Variants in PRKRIP1 observed in about 807,000 individuals in gnomAD.
PRKRIP1 encodes PRKR interacting protein 1.
A neutral mutation model predicts 29.3 loss-of-function variants in PRKRIP1; 29 were observed. The ratio of observed to expected loss-of-function variants is 0.99; its 90% confidence interval spans 0.74 to 1.35. The LOEUF is 1.35. PRKRIP1 is among the 40% of genes most tolerant of loss of function. The pLI is 0.00. For missense variants in PRKRIP1, 247 were observed against 236.8 expected (o/e 1.04, Z -0.28); for synonymous variants, 90 against 85.1 (o/e 1.06, Z -0.32).
chr7:102,407,196 CAG>C (rs1796252891), intron 4 of PRKRIP1, among the ~76,000 whole-genome samples: 1 of 147,890 alleles, frequency 6.8e-6, no homozygotes, highest in Non-Finnish European at 1.5e-5. Context: ...GCCTGGGTGA[CAG>C]AGTGAGAGAA....
At position 102,407,412 on chromosome 7, in the gene PRKRIP1, G is replaced by A. The variant is rs782739866; in HGVS notation, c.393-22G>A. Reference sequence around the variant, plus strand: ...ACCATAATGTAGTTAAGGAATCAATGTATATGGTTTTACATTTTTAGCCAG... The same window carrying A: ...ACCATAATGTAGTTAAGGAATCAATATATATGGTTTTACATTTTTAGCCAG... On this transcript the variant is annotated intron_variant, in intron 4 of 5. Transcript: ENST00000397912. 3.4e-6 allele frequency: 5 copies of A among 1,490,090 alleles called. No homozygotes were observed. In the South Asian group the frequency reaches 3.4e-5, roughly 10 times the overall value. 92.3% of individuals were successfully genotyped at this position (1,490,090 alleles called of 1,614,324 possible).
intron 4 of PRKRIP1, among the ~76,000 whole-genome samples, chr7:102,407,218 A>G (rs1296576049): frequency 6.7e-6 from 1 of 148,652 alleles, no homozygotes; most frequent in Non-Finnish European, 1.5e-5. Context: ...ATCCGTCTCA[A>G]AAAAAAAAAA....
chr7:102,396,384 C>A lies in PRKRIP1; in HGVS notation c.-28C>A. ...CGTCATACTTGCGCGCCGACGCCGC[C>A]GCTCGCTTGTGAAACTGGAAGGCTG... On this transcript the variant is annotated 5_prime_UTR_variant, in exon 1 of 6. Coordinates refer to ENST00000397912, the MANE Select transcript of PRKRIP1 (RefSeq NM_024653.4). 6.6e-7 allele frequency: 1 copy of A among 1,510,278 alleles called. No homozygotes were observed. The highest frequency in any genetic ancestry group is 8.8e-7 in the Non-Finnish European group (1 of 1,135,204). 93.6% of individuals were successfully genotyped at this position (1,510,278 alleles called of 1,614,324 possible). A position where few individuals can be genotyped will look rare whatever the true frequency, so the allele number is the denominator to read the frequency against.
chr7:102,417,945 A>G (rs1050266634), intron 5 of PRKRIP1, among the ~76,000 whole-genome samples: 7 of 151,344 alleles, frequency 4.6e-5, no homozygotes, highest in Non-Finnish European at 1.0e-4. Context: ...GTACTATAGG[A>G]TATTCCAGAC....
intron 5 of PRKRIP1, among the ~76,000 whole-genome samples, chr7:102,415,555 T>C (rs76067653): frequency 0.012 from 1,788 of 152,322 alleles, 46 homozygotes; most frequent in African/African-American, 0.042. Flanking sequence ...TTTTATAAAA[T>C]GTACATTGGA....
At chr7:102,405,152 C>T (rs782646891) in intron 4 of PRKRIP1, among the ~76,000 whole-genome samples, 2 of 152,148 alleles carry the variant, frequency 1.3e-5, no homozygotes, top group Non-Finnish European at 2.9e-5. Flanking sequence ...GTCTTGAACT[C>T]CTCACCTCAG....
intron 5 of PRKRIP1, among the ~76,000 whole-genome samples, chr7:102,419,709 C>G (rs1215343725): frequency 6.6e-6 from 1 of 152,170 alleles, no homozygotes; most frequent in East Asian, 1.9e-4. Flanking sequence ...ATGCCCCATT[C>G]CTTTTGCCAA....
chr7:102,424,877 G>A (rs891077986), intron 5 of PRKRIP1, 137 bp from the exon 6 acceptor site: 9 of 810,102 alleles, frequency 1.1e-5, no homozygotes, highest in Middle Eastern at 3.5e-4. Flanking sequence ...ACTGGTGGAC[G>A]TGAGGCATGA....
intron 2 of PRKRIP1, 74 bp from the exon 3 acceptor site, chr7:102,399,474 A>T: frequency 8.4e-7 from 1 of 1,195,396 alleles, no homozygotes; most frequent in South Asian, 1.2e-5. Flanking sequence ...TTGTTTCTTT[A>T]GTCACCCTCG....
chr7:102,407,830 GC>G (rs1204819428), intron 5 of PRKRIP1, among the ~76,000 whole-genome samples: 2 of 152,166 alleles, frequency 1.3e-5, no homozygotes, highest in Non-Finnish European at 2.9e-5. Flanking sequence ...GTTTTGAGGT[GC>G]CTGCAGCAGC....
rs144611349 is a variant in PRKRIP1, at chr7:102,413,294, A to G, written c.457+5796A>G. On this transcript the variant is annotated intron_variant, in intron 5 of 5. Transcript: ENST00000397912. ...GAGAGCTCCTGATCTAGGGGCAGGT[A>G]TCCAGTGTCCAGAAGGCACTCAGCA... 3.3e-3 allele frequency among the ~76,000 whole-genome samples: 510 copies of G among 152,340 alleles called. 2 individuals carry two copies. Among genetic ancestry groups the G allele is most frequent in the African/African-American group, 0.011 (473 of 41,566 alleles).
intron 5 of PRKRIP1, among the ~76,000 whole-genome samples, chr7:102,418,081 CT>C (rs1796602272): frequency 7.1e-6 from 1 of 141,630 alleles, no homozygotes; most frequent in South Asian, 2.2e-4. Context: ...GAGTTTCACT[CT>C]TTGTTTGCCC....
rs139908003 is a variant in PRKRIP1 at position 102,418,022 on chromosome 7, TTTC to T, written c.458-6965_458-6963del. On this transcript the variant is annotated intron_variant, in intron 5 of 5. Transcript: ENST00000397912. ...TTGTCCAAGAAGTCCTGGCTGCTGC[TTTC>T]TTCTTCTTCTTCTTCTTCTTCTTCT... Among the ~76,000 whole-genome samples the T allele has an allele frequency of 1.1e-3, 149 of 141,192 alleles. 2 individuals are homozygous for T. The East Asian group carries it at 0.019, about 18-fold the overall frequency. 92.6% of individuals were successfully genotyped at this position (141,192 alleles called of 152,430 possible).
intron 5 of PRKRIP1, among the ~76,000 whole-genome samples, chr7:102,411,593 C>T (rs1224155467): frequency 6.6e-6 from 1 of 151,912 alleles, no homozygotes; most frequent in Non-Finnish European, 1.5e-5. Flanking sequence ...CTATATTGGC[C>T]AGGTTGATCT....
At chr7:102,404,781 G>C in intron 4 of PRKRIP1, 98 bp downstream of exon 4, 5 of 836,150 alleles carry the variant, frequency 6.0e-6, no homozygotes, top group Non-Finnish European at 7.8e-6. Context: ...TGCATGACCT[G>C]TAGGGGTCAT....
At chr7:102,404,334 C>T (rs1173263751) in intron 3 of PRKRIP1, 4 of 350,862 alleles carry the variant, frequency 1.1e-5, no homozygotes, top group Admixed American at 8.1e-5. Context: ...TGCACTCCCT[C>T]CTGTATTGTC....
intron 3 of PRKRIP1, 164 bp from the exon 4 acceptor site, chr7:102,404,434 C>T (rs984581756): frequency 6.2e-6 from 4 of 648,870 alleles, no homozygotes; most frequent in Admixed American, 5.0e-5. Context: ...ACCTGCCCTG[C>T]CTCTGGGACA....
intron 5 of PRKRIP1, among the ~76,000 whole-genome samples, chr7:102,420,263 T>C (rs948632544): frequency 1.3e-5 from 2 of 152,192 alleles, no homozygotes; most frequent in Non-Finnish European, 2.9e-5. Context: ...CTGGGTTGTA[T>C]GATAGGATTA....
rs367710847 is a variant in PRKRIP1 at position 102,396,471 on chromosome 7, G to T, written c.60G>T (p.Thr20=). The change falls in exon 1 of 6, where the codon ACG becomes ACT. Residue 20 remains threonine, a synonymous_variant. Coordinates refer to ENST00000397912, the MANE Select transcript of PRKRIP1 (RefSeq NM_024653.4). The part of the protein sequence containing the change: ...RPPRPKKEPQ[T]LVIPKNAAEE... ...CGAGGCCCAAGAAAGAGCCGCAGAC[G>T]CTCGTCATCCCCAAGAATGCGGCGG... The T allele has an allele frequency of 6.2e-7, 1 of 1,609,468 alleles. No homozygotes were observed. Among genetic ancestry groups the T allele is most frequent in the Non-Finnish European group, 8.5e-7 (1 of 1,178,924 alleles).
Sources: gnomAD v4.1 joint callset for allele counts (sites outside exome capture counted in the v4.1 genomes callset) on GRCh38, gnomAD v4.1.1 for gene constraint, MANE v1.5 for transcripts, NCBI Gene and HGNC (gene_info 2026-07-23, HGNC 2026-07-21) for gene names.